The following CHD5 variants were observed in gnomAD, a reference collection of about 807,000 sequenced individuals.
CHD5 encodes the protein ATP-dependent chromatin remodeler CHD5.
CHD5 carries 69 observed loss-of-function variants against 230.3 expected under a neutral mutation model. The ratio of observed to expected loss-of-function variants is 0.30; its 90% CI spans 0.25 to 0.37. The LOEUF (loss-of-function observed/expected upper bound fraction) is 0.37, where lower values mean the gene tolerates loss of function less well. Among genes scored for constraint, CHD5 ranks in the 10% least tolerant of loss-of-function variants. CHD5 has a pLI of 1.00. For missense variants in CHD5, 1,827 were observed against 2,622.8 expected (o/e 0.70, Z 6.63); for synonymous variants, 1,064 against 1,065.9 (o/e 1.00, Z 0.03).
At chr1:6,172,062 A>C (rs988632145) in intron 1 of CHD5, among the ~76,000 whole-genome samples, 10 of 152,262 alleles carry the variant, frequency 6.6e-5, no homozygotes, top group Non-Finnish European at 1.5e-4. Flanking sequence ...TGCTTTCTCC[A>C]GAGCTCCCTC....
At position 6,180,002 on chromosome 1, in the gene CHD5, C is replaced by A; in HGVS notation, c.22G>T (p.Glu8Ter). Reference protein sequence around the residue: MRGPVGTEEELPRLFAEE... With the variant: MRGPVGT The stretch of plus-strand genomic sequence containing the variant: ...GCGAACAGCCGCGGCAGCTCCTCCT[C>A]GGTGCCCACTGGGCCCCGCATGCCC... The change falls in exon 1 of 42, where the codon GAG becomes TAG. Residue 8 changes from glutamate to a stop codon, truncating the protein, a stop_gained. Transcript: ENST00000262450. LOFTEE classifies it high-confidence loss of function. The A allele has an allele frequency of 7.2e-7, 1 of 1,385,282 alleles. No homozygotes were observed. Among genetic ancestry groups the A allele is most frequent in the Non-Finnish European group, 9.5e-7 (1 of 1,057,442 alleles). 85.8% of individuals were successfully genotyped at this position (1,385,282 alleles called of 1,614,324 possible). A position where few individuals can be genotyped will look rare whatever the true frequency, so the allele number is the denominator to read the frequency against.
At chr1:6,169,467 A>G (rs1571173150) in intron 1 of CHD5, among the ~76,000 whole-genome samples, 1 of 152,106 alleles carries the variant, frequency 6.6e-6, no homozygotes, top group Admixed American at 6.5e-5. Context: ...TCAACCTCCA[A>G]CCCAGAGGAA....
rs762621807 is a variant in CHD5 at position 6,109,807 on chromosome 1, C to T, written c.5566G>A (p.Val1856Ile). 25 of 1,612,248 alleles carry T rather than the reference C, an allele frequency of 1.6e-5. No homozygotes were observed. Among genetic ancestry groups the T allele is most frequent in the East Asian group, 6.7e-5 (3 of 44,872 alleles). ...SLAGNKPANAVLHKVLNQLEE... is the reference protein window; with the variant it reads ...SLAGNKPANAILHKVLNQLEE... ...AGGACTTGCTCACCCTTGTGCAGGACGGCATTGGCAGGCTTGTTCCCAGCA... is the reference window on the plus strand; with the variant it reads ...AGGACTTGCTCACCCTTGTGCAGGATGGCATTGGCAGGCTTGTTCCCAGCA... Residue 1856 changes from valine (V) to isoleucine (I), a missense_variant, in exon 38 of 42, where the codon GTC becomes ATC. By Grantham distance (29) the Val-to-Ile change is conservative. Transcript: ENST00000262450.
In CHD5 at chr1:6,105,094, T is replaced by G; in HGVS notation, c.*380A>C. ...CAGTGCTGCAGGTTCGAATCTTCCA[T>G]ACGTCATCCAACTTTTATCAAGACA... is the stretch of plus-strand genomic sequence containing the variant. On this transcript the variant is annotated 3_prime_UTR_variant, in exon 42 of 42. Transcript: ENST00000262450. This position sits in a 1 kb window ranked among gnomAD's most constrained non-coding sequence, Gnocchi z 4.8. 1 of 330,008 alleles carries G rather than the reference T, an allele frequency of 3.0e-6. No homozygotes were observed. Among genetic ancestry groups the G allele is most frequent in the South Asian group, 2.4e-5 (1 of 41,486 alleles). 20.4% of individuals were successfully genotyped at this position (330,008 alleles called of 1,614,324 possible). A position where few individuals can be genotyped will look rare whatever the true frequency, so the allele number is the denominator to read the frequency against.
At position 6,142,100 on chromosome 1, in the gene CHD5, C is replaced by A. The variant is rs201190339; in HGVS notation, c.2436+28G>T. The A allele has an allele frequency of 2.5e-6, 4 of 1,596,744 alleles. No individual in the cohort carries two copies. The East Asian group carries it at 6.7e-5, about 27-fold the overall frequency. ...TGAACTAGACCGGGGGCCTTCCTAC[C>A]GTCCTTCCAAGGATAGCGAGCCCTC... is the stretch of plus-strand genomic sequence containing the variant. On this transcript the variant is annotated intron_variant, in intron 15 of 41. Transcript: ENST00000262450. The surrounding 1 kb of genome is among the most constrained non-coding windows in gnomAD (Gnocchi z 5.2).
At chr1:6,120,703 G>A (rs528241481) in intron 33 of CHD5, among the ~76,000 whole-genome samples, 1 of 152,194 alleles carries the variant, frequency 6.6e-6, no homozygotes, top group East Asian at 1.9e-4. Flanking sequence ...AAGAGATCGA[G>A]ACCATCCTGA....
chr1:6,154,564 C>T lies in CHD5; in HGVS notation c.745+96G>A. On this transcript the variant is annotated intron_variant, in intron 5 of 41. Transcript: ENST00000262450. The surrounding 1 kb of genome is among the most constrained non-coding windows in gnomAD (Gnocchi z 7.0). The stretch of plus-strand genomic sequence containing the variant: ...CCTCCATTAGGAGCACCCCAGCTGC[C>T]CCTCCCTGCCCGCGTCTGCCCCGTG... 2 of 1,146,812 alleles carry T rather than the reference C, an allele frequency of 1.7e-6. No homozygotes were observed. Among genetic ancestry groups the T allele is most frequent in the Admixed American group, 2.8e-5 (1 of 35,560 alleles). 71.0% of individuals were successfully genotyped at this position (1,146,812 alleles called of 1,614,324 possible). A position where few individuals can be genotyped will look rare whatever the true frequency, so the allele number is the denominator to read the frequency against.
In CHD5 at chr1:6,152,416, G is replaced by A; in HGVS notation, c.866C>T (p.Ser289Phe). 1 of 1,613,494 alleles carries A rather than the reference G, an allele frequency of 6.2e-7. No individual in the cohort carries two copies. Among genetic ancestry groups the A allele is most frequent in the South Asian group, 1.1e-5 (1 of 91,004 alleles). The change falls in exon 6 of 42, where the codon TCC becomes TTC. Residue 289 changes from serine (S) to phenylalanine (F), a missense_variant. This residue lies in a region of CHD5 where 657 missense variants were observed against 816.4 expected (regional missense o/e 0.80). Transcript: ENST00000262450. ...GGISNKRKKG[S>F]SSEEDEREES... ...CGCACACACGCACACACTCACCGAG[G>A]AGCCTTTCTTCCTCTTGTTGCTGAT...
At chr1:6,137,623 G>A (rs1387667008) in intron 15 of CHD5, among the ~76,000 whole-genome samples, 1 of 152,138 alleles carries the variant, frequency 6.6e-6, no homozygotes, top group Non-Finnish European at 1.5e-5. Context: ...GTGAGCTACC[G>A]CACCTGGCCT....
intron 1 of CHD5, among the ~76,000 whole-genome samples, chr1:6,177,074 G>T (rs937252434): frequency 6.6e-6 from 1 of 152,236 alleles, no homozygotes; most frequent in Non-Finnish European, 1.5e-5. Flanking sequence ...CAACTCCCAG[G>T]GGGAGGTGGG....
intron 11 of CHD5, among the ~76,000 whole-genome samples, chr1:6,145,994 C>T (rs1318113798): frequency 2.0e-5 from 3 of 152,170 alleles, no homozygotes; most frequent in Admixed American, 2.0e-4. Context: ...ATGAGTGTGC[C>T]GGCATGCATG....
In CHD5 at chr1:6,134,950, C is replaced by T; in HGVS notation, c.2871-91G>A. On this transcript the variant is annotated intron_variant, in intron 18 of 41. Transcript: ENST00000262450. This position sits in a 1 kb window ranked among gnomAD's most constrained non-coding sequence, Gnocchi z 6.3. The stretch of plus-strand genomic sequence containing the variant: ...TGCAGTGGGGCTGGAAGCTGGTGGC[C>T]AAGCACCCATTTACAGAGAGACCCA... 6.5e-7 allele frequency: 1 copy of T among 1,536,334 alleles called. No individual in the cohort carries two copies. Among genetic ancestry groups the T allele is most frequent in the Non-Finnish European group, 8.9e-7 (1 of 1,119,412 alleles).
rs976530615 is a variant in CHD5, at chr1:6,134,125, C to T, written c.3144+3G>A. 2 of 1,611,900 alleles carry T rather than the reference C, an allele frequency of 1.2e-6. No homozygotes were observed. Among genetic ancestry groups the T allele is most frequent in the Non-Finnish European group, 1.7e-6 (2 of 1,179,822 alleles). On this transcript the variant is annotated splice_donor_region_variant and intron_variant, in intron 20 of 41. Coordinates refer to ENST00000262450, the MANE Select transcript of CHD5 (RefSeq NM_015557.3). This position sits in a 1 kb window ranked among gnomAD's most constrained non-coding sequence, Gnocchi z 6.3. Reference sequence around the variant, plus strand: ...GGGGCGGGGGTGGGCAGGGGCAGCGCACCTGGGAGAAGATGAGCACACGGT... The same window carrying T: ...GGGGCGGGGGTGGGCAGGGGCAGCGTACCTGGGAGAAGATGAGCACACGGT...
chr1:6,169,586 C>A (rs190931292), intron 1 of CHD5, among the ~76,000 whole-genome samples: 1 of 152,320 alleles, frequency 6.6e-6, no homozygotes, highest in Admixed American at 6.5e-5. Flanking sequence ...GGAGTTCCCA[C>A]GCACCAGATA....
chr1:6,162,973 G>C (rs913199217), intron 2 of CHD5, among the ~76,000 whole-genome samples: 3 of 152,210 alleles, frequency 2.0e-5, no homozygotes, highest in African/African-American at 7.2e-5. Context: ...GAAGGAGGGA[G>C]GGATAGGGAG....
intron 1 of CHD5, among the ~76,000 whole-genome samples, chr1:6,170,915 G>A (rs891332277): frequency 2.6e-5 from 4 of 152,214 alleles, no homozygotes; most frequent in South Asian, 2.1e-4. Flanking sequence ...TGCCCGCTCT[G>A]CCACCGGGCC....
chr1:6,175,816 T>C (rs986006711), intron 1 of CHD5, among the ~76,000 whole-genome samples: 1 of 146,242 alleles, frequency 6.8e-6, no homozygotes. Flanking sequence ...GGTAGATACA[T>C]GGATACATGG....
Position 6,154,900 on chromosome 1 carries a change from T to C in CHD5, c.507-2A>G. 6.2e-7 allele frequency: 1 copy of C among 1,612,734 alleles called. No homozygotes were observed. Among genetic ancestry groups the C allele is most frequent in the East Asian group, 2.2e-5 (1 of 44,854 alleles). ...GGGTTCTTCTTGGCAATGAGTGGCC[T>C]GTAGGGGGAGAGGCAGGAGGGTGAG... On this transcript the variant is annotated splice_acceptor_variant, in intron 4 of 41. Coordinates refer to ENST00000262450, the MANE Select transcript of CHD5 (RefSeq NM_015557.3). LOFTEE classifies it high-confidence loss of function. This position sits in a 1 kb window ranked among gnomAD's most constrained non-coding sequence, Gnocchi z 7.0.
Position 6,146,293 on chromosome 1 carries a change from A to T in CHD5, c.1721T>A (p.Leu574His), listed in dbSNP as rs1376386319. ...KSEKRKNKDP[L>H]YAKMEERFYR... Reference sequence around the variant, plus strand: ...GAAGCGCTCCTCCATCTTGGCATAGAGGGGGTCCTTGTTCTTCCTCTTCTC... The same window carrying T: ...GAAGCGCTCCTCCATCTTGGCATAGTGGGGGTCCTTGTTCTTCCTCTTCTC... The change falls in exon 11 of 42, where the codon CTC (leucine) becomes CAC (histidine). Residue 574 changes from leucine to histidine, a missense_variant. Around this residue, in one of 14 missense-constraint regions of CHD5, gnomAD observed 657 missense variants for 816.4 expected, o/e 0.80. Transcript: ENST00000262450. This position sits in a 1 kb window ranked among gnomAD's most constrained non-coding sequence, Gnocchi z 5.1. 6.2e-7 allele frequency: 1 copy of T among 1,614,136 alleles called. No homozygotes were observed.
Sources: gnomAD v4.1 joint callset for allele counts (sites outside exome capture counted in the v4.1 genomes callset) on GRCh38, gnomAD v4.1.1 for gene constraint, gnomAD v4.1.1 regional missense constraint, Gnocchi (gnomAD v3.1) non-coding constraint, MANE v1.5 for transcripts, NCBI Gene and HGNC (gene_info 2026-07-23, HGNC 2026-07-21) for gene names.